CDK13: variants seen among roughly 807,000 people sequenced by gnomAD.
The protein encoded by CDK13 is cyclin dependent kinase 13.
CDK13 carries 40 observed loss-of-function variants against 137.6 expected under a neutral mutation model. The ratio of observed to expected loss-of-function variants is 0.29; its 90% CI spans 0.23 to 0.38. The LOEUF is 0.38. Ranked by LOEUF, CDK13 falls within the 10% of genes least tolerant of loss-of-function variation. CDK13 has a pLI of 1.00. For missense variants in CDK13, 1,704 were observed against 1,951.8 expected (o/e 0.87, Z 2.39); for synonymous variants, 869 against 760.1 (o/e 1.14, Z -2.36).
chr7:39,959,579 C>T (rs1787543869), intron 1 of CDK13, among the ~76,000 whole-genome samples: 1 of 151,392 alleles, frequency 6.6e-6, no homozygotes, highest in Non-Finnish European at 1.5e-5. Flanking sequence ...GATCTCTCAC[C>T]TCAGCCTCCC....
In CDK13 at chr7:40,021,102, CGTATATATATATATATATAT is replaced by C. The variant is rs922178581; in HGVS notation, c.2353+19072_2353+19091del. On this transcript the variant is annotated intron_variant, in intron 5 of 13. Coordinates refer to ENST00000181839, the MANE Select transcript of CDK13 (RefSeq NM_003718.5). ...GAGATTCCATCTCAGAGCAAACAAA[CGTATATATATATATATATAT>C]ACACACACACACACACACACACACA... Among the ~76,000 whole-genome samples the C allele has an allele frequency of 0.023, 370 of 16,322 alleles. 3 individuals carry two copies. The East Asian group carries it at 0.42, about 19-fold the overall frequency. The allele number at this position is 16,322 out of a possible 152,430, so 10.7% of individuals were successfully genotyped here.
intron 5 of CDK13, among the ~76,000 whole-genome samples, chr7:40,032,664 C>G (rs1348840142): frequency 6.6e-6 from 1 of 151,912 alleles, no homozygotes; most frequent in Non-Finnish European, 1.5e-5. Context: ...CATTGAAGTG[C>G]TTTAACTCCA....
chr7:39,950,522 G>A lies in CDK13; in HGVS notation c.-120G>A, dbSNP rs941269757. 2.6e-5 allele frequency: 33 copies of A among 1,265,786 alleles called. No individual in the cohort carries two copies. Among genetic ancestry groups the A allele is most frequent in the East Asian group, 3.2e-5 (1 of 31,744 alleles). 78.4% of individuals were successfully genotyped at this position (1,265,786 alleles called of 1,614,324 possible). A position where few individuals can be genotyped will look rare whatever the true frequency, so the allele number is the denominator to read the frequency against. ...CCCGGATTATCGTGGCGCTTTTCCC[G>A]GCCGGCTCTGGTGCTCGGTGTCCCT... On this transcript the variant is annotated 5_prime_UTR_variant, in exon 1 of 14. Transcript: ENST00000181839.
chr7:39,953,103 TAGC>T (rs1452495101), intron 1 of CDK13, among the ~76,000 whole-genome samples: 7 of 152,174 alleles, frequency 4.6e-5, no homozygotes, highest in Admixed American at 2.0e-4. Context: ...TCTGCAAAAT[TAGC>T]AGACCTTTTT....
intron 4 of CDK13, among the ~76,000 whole-genome samples, chr7:40,001,102 C>T (rs1784675833): frequency 6.6e-6 from 1 of 151,792 alleles, no homozygotes; most frequent in South Asian, 2.1e-4. Flanking sequence ...TAGAGTTTTT[C>T]TTCTCTGTTC....
intron 5 of CDK13, among the ~76,000 whole-genome samples, chr7:40,045,432 CTTTTT>C (rs11362792): frequency 7.6e-6 from 1 of 130,776 alleles, no homozygotes; most frequent in East Asian, 2.1e-4. Flanking sequence ...GGCCTGTACT[CTTTTT>C]TTTTTTTTTT....
At chr7:40,015,210 A>G (rs561510639) in intron 5 of CDK13, among the ~76,000 whole-genome samples, 1 of 152,328 alleles carries the variant, frequency 6.6e-6, no homozygotes, top group East Asian at 1.9e-4. Flanking sequence ...TTAGATGCAC[A>G]TCAGGAGATG....
intron 1 of CDK13, among the ~76,000 whole-genome samples, chr7:39,967,147 G>T (rs1783890246): frequency 6.7e-6 from 1 of 149,960 alleles, no homozygotes; most frequent in African/African-American, 2.4e-5. Context: ...TTAAAGCTAA[G>T]CCGAGTGCAG....
Position 39,999,486 on chromosome 7 carries a change from G to A in CDK13, c.2168G>A (p.Arg723Lys), listed in dbSNP as rs1784638145. ...ACTTACGGACAAGTTTACAAAGCCA[G>A]GGATAAAGACACTGGTAAGAATGCC... is the stretch of plus-strand genomic sequence containing the variant. ...EGTYGQVYKA[R>K]DKDTGEMVAL... Residue 723 changes from arginine to lysine, a missense_variant, in exon 4 of 14, where the codon AGG becomes AAG. This residue lies in a region of CDK13 where 130 missense variants were observed against 362.4 expected (regional missense o/e 0.36). Coordinates refer to ENST00000181839, the MANE Select transcript of CDK13 (RefSeq NM_003718.5). 2 of 1,608,752 alleles carry A rather than the reference G, an allele frequency of 1.2e-6. No individual in the cohort carries two copies. Among genetic ancestry groups the A allele is most frequent in the Non-Finnish European group, 1.7e-6 (2 of 1,176,998 alleles).
chr7:40,043,703 C>A (rs561891130), intron 5 of CDK13, among the ~76,000 whole-genome samples: 1 of 151,690 alleles, frequency 6.6e-6, no homozygotes, highest in East Asian at 1.9e-4. Context: ...GGTGGGAGCC[C>A]ATGACCCCAA....
chr7:40,030,700 C>A (rs1281010865), intron 5 of CDK13, among the ~76,000 whole-genome samples: 1 of 143,048 alleles, frequency 7.0e-6, no homozygotes, highest in Non-Finnish European at 1.5e-5. Flanking sequence ...CATGCTGTCA[C>A]TGATTTTTTT....
intron 9 of CDK13, among the ~76,000 whole-genome samples, chr7:40,074,764 G>T (rs1000804291): frequency 6.6e-6 from 1 of 151,150 alleles, no homozygotes; most frequent in Non-Finnish European, 1.5e-5. Flanking sequence ...GAGGCTTCAG[G>T]GAGCTATGAT....
At chr7:40,029,347 G>T (rs994310202) in intron 5 of CDK13, among the ~76,000 whole-genome samples, 23 of 151,774 alleles carry the variant, frequency 1.5e-4, no homozygotes, top group African/African-American at 5.3e-4. Context: ...AGAATCACTT[G>T]AACCGGGAGG....
At chr7:39,983,152 G>A (rs937753746) in intron 1 of CDK13, among the ~76,000 whole-genome samples, 2 of 152,092 alleles carry the variant, frequency 1.3e-5, no homozygotes, top group Non-Finnish European at 2.9e-5. Flanking sequence ...TATGGTTTTA[G>A]GTATAACGTT....
At chr7:40,029,366 G>C (rs1785315635) in intron 5 of CDK13, among the ~76,000 whole-genome samples, 1 of 150,300 alleles carries the variant, frequency 6.7e-6, no homozygotes, top group Non-Finnish European at 1.5e-5. Context: ...GGCAGAAGTT[G>C]CAGTGAGCCG....
At chr7:40,004,526 G>A (rs915814149) in intron 5 of CDK13, among the ~76,000 whole-genome samples, 1 of 152,122 alleles carries the variant, frequency 6.6e-6, no homozygotes, top group Non-Finnish European at 1.5e-5. Flanking sequence ...ATTTTGATGG[G>A]AACTATGATG....
intron 1 of CDK13, among the ~76,000 whole-genome samples, chr7:39,981,116 G>T (rs914665943): frequency 6.6e-6 from 1 of 152,150 alleles, no homozygotes; most frequent in East Asian, 1.9e-4. Context: ...AGTGGCTCAT[G>T]CCTGTAACCC....
chr7:40,081,018 G>T (rs932118351), intron 11 of CDK13, among the ~76,000 whole-genome samples: 5 of 151,882 alleles, frequency 3.3e-5, no homozygotes, highest in African/African-American at 7.3e-5. Flanking sequence ...TTAAGATAAA[G>T]AATTTTTCAA....
intron 7 of CDK13, 61 bp downstream of exon 7, chr7:40,047,938 A>G: frequency 3.0e-6 from 3 of 1,002,532 alleles, no homozygotes; most frequent in Admixed American, 3.6e-5. Context: ...AGCTATACTA[A>G]GAATACCTTA....
Sources: allele counts gnomAD v4.1 joint callset (sites outside exome capture counted in the v4.1 genomes callset), GRCh38; gene constraint gnomAD v4.1.1; regional missense constraint gnomAD v4.1.1; transcripts MANE v1.5; gene names NCBI Gene and HGNC (gene_info 2026-07-23, HGNC 2026-07-21).